UST: variants seen among roughly 807,000 people sequenced by gnomAD.
UST encodes chondroitin sulfate 2-O-sulfotransferase.
A neutral mutation model predicts 45.6 loss-of-function variants in UST; 21 were observed. The observed-to-expected ratio is 0.46, with a 90% CI of 0.33 to 0.66. The LOEUF (loss-of-function observed/expected upper bound fraction) is 0.66. Ranked by LOEUF, UST falls within the 30% of genes least tolerant of loss-of-function variation. The probability of loss-of-function intolerance (pLI) is 0.02; values close to 1 mark genes in which losing one functional copy is unlikely to be tolerated. For synonymous variants in UST, 215 were observed against 200.6 expected (o/e 1.07, Z -0.61); for missense variants, 463 against 512.4 (o/e 0.90, Z 0.93).
intron 2 of UST, among the ~76,000 whole-genome samples, chr6:148,897,785 C>A (rs759555852): frequency 2.0e-5 from 3 of 152,190 alleles, no homozygotes; most frequent in Non-Finnish European, 4.4e-5. Context: ...GCCACTGCAA[C>A]TGGCTTCTTT....
chr6:148,753,618 G>A (rs1328699216), intron 1 of UST, among the ~76,000 whole-genome samples: 2 of 152,136 alleles, frequency 1.3e-5, no homozygotes, highest in Non-Finnish European at 2.9e-5. Flanking sequence ...TCTACTGTAA[G>A]TAGTGCTGCT....
intron 3 of UST, among the ~76,000 whole-genome samples, chr6:148,951,875 A>T (rs1780371878): frequency 6.6e-6 from 1 of 152,254 alleles, no homozygotes; most frequent in Non-Finnish European, 1.5e-5. Flanking sequence ...CTCCTGAAAT[A>T]GACAGCTTTA....
At chr6:148,969,353 G>T (rs1389821880) in intron 5 of UST, among the ~76,000 whole-genome samples, 1 of 152,200 alleles carries the variant, frequency 6.6e-6, no homozygotes, top group Non-Finnish European at 1.5e-5. Flanking sequence ...TTACGCTCTT[G>T]GTCTTCAACT....
At chr6:148,913,635 TG>T (rs1779522615) in intron 2 of UST, among the ~76,000 whole-genome samples, 1 of 152,080 alleles carries the variant, frequency 6.6e-6, no homozygotes, top group African/African-American at 2.4e-5. Context: ...TAACATGAAA[TG>T]CTGATTCCAA....
chr6:149,023,555 A>C (rs1478695217), intron 7 of UST, among the ~76,000 whole-genome samples: 7 of 152,158 alleles, frequency 4.6e-5, no homozygotes, highest in African/African-American at 1.7e-4. Flanking sequence ...TTTTTATTTT[A>C]TTAATATTGT....
intron 2 of UST, among the ~76,000 whole-genome samples, chr6:148,895,719 C>G (rs950207479): frequency 1.2e-4 from 18 of 152,340 alleles, no homozygotes; most frequent in African/African-American, 4.3e-4. Flanking sequence ...ACTCTCTTCT[C>G]TTGTCTGCTG....
chr6:148,887,846 G>A (rs1778940372), intron 2 of UST, among the ~76,000 whole-genome samples: 1 of 152,176 alleles, frequency 6.6e-6, no homozygotes, highest in African/African-American at 2.4e-5. Context: ...TTTCTGGCCT[G>A]TGAAATCTTA....
intron 1 of UST, among the ~76,000 whole-genome samples, chr6:148,818,345 C>T (rs529609992): frequency 6.1e-4 from 93 of 152,258 alleles, no homozygotes; most frequent in Non-Finnish European, 1.1e-3. Flanking sequence ...TGTGTACACA[C>T]GACTTGTTCT....
At chr6:149,004,718 A>AC (rs1173477255) in intron 5 of UST, among the ~76,000 whole-genome samples, 1 of 152,208 alleles carries the variant, frequency 6.6e-6, no homozygotes, top group Admixed American at 6.5e-5. Flanking sequence ...CAGGCAGCAA[A>AC]ACATGGCTTC....
intron 7 of UST, among the ~76,000 whole-genome samples, chr6:149,049,319 C>T (rs2115035497): frequency 6.6e-6 from 1 of 152,146 alleles, no homozygotes; most frequent in South Asian, 2.1e-4. Context: ...AATGACATAG[C>T]TGATTGCTTG....
intron 2 of UST, among the ~76,000 whole-genome samples, chr6:148,894,104 T>C (rs1164628850): frequency 6.6e-6 from 1 of 152,076 alleles, no homozygotes; most frequent in Non-Finnish European, 1.5e-5. Flanking sequence ...GAAATTGAGA[T>C]ATGAACTGCT....
At chr6:149,003,956 T>A (rs1195885760) in intron 5 of UST, among the ~76,000 whole-genome samples, 1 of 152,184 alleles carries the variant, frequency 6.6e-6, no homozygotes, top group African/African-American at 2.4e-5. Context: ...TTGACACGCT[T>A]TGCTGGAAAT....
intron 1 of UST, among the ~76,000 whole-genome samples, chr6:148,882,435 G>A (rs746019255): frequency 7.1e-6 from 1 of 140,326 alleles, no homozygotes; most frequent in Non-Finnish European, 1.5e-5. Flanking sequence ...GCAGTGAGCC[G>A]AGATTGCGCC....
In UST at chr6:148,999,910, G is replaced by A. The variant is rs562903972; in HGVS notation, c.682-19229G>A. Among the ~76,000 whole-genome samples, 23 of 152,276 alleles carry A rather than the reference G, an allele frequency of 1.5e-4. No homozygotes were observed. In the South Asian group the frequency reaches 4.4e-3, roughly 29 times the overall value. ...TGACCCCAAATATATTGTAATGATT[G>A]ATAGAATATAAAAAGAGGAAATCCA... On this transcript the variant is annotated intron_variant, in intron 5 of 7. Coordinates refer to ENST00000367463, the MANE Select transcript of UST (RefSeq NM_005715.3).
At chr6:148,814,430 G>A (rs181118284) in intron 1 of UST, among the ~76,000 whole-genome samples, 1 of 152,246 alleles carries the variant, frequency 6.6e-6, no homozygotes, top group Admixed American at 6.5e-5. Context: ...AGCCAGTAGA[G>A]TTTGCAGCTG....
At chr6:148,898,590 A>C (rs1450993848) in intron 2 of UST, among the ~76,000 whole-genome samples, 1 of 152,218 alleles carries the variant, frequency 6.6e-6, no homozygotes. Context: ...TAAATTTATC[A>C]ATTTTATGAG....
intron 7 of UST, among the ~76,000 whole-genome samples, chr6:149,062,851 A>G (rs371042260): frequency 5.3e-5 from 8 of 152,356 alleles, no homozygotes; most frequent in East Asian, 1.9e-4. Flanking sequence ...TGAGCAAGGT[A>G]GTGAGGGGCG....
At chr6:149,041,844 G>A (rs941655190) in intron 7 of UST, among the ~76,000 whole-genome samples, 4 of 152,072 alleles carry the variant, frequency 2.6e-5, no homozygotes, top group African/African-American at 4.8e-5. Context: ...CCTAAAACTC[G>A]ACTGTCCTGT....
rs1303528631 is a variant in UST at position 149,074,074 on chromosome 6, A to G, written c.1179A>G (p.Glu393=). The change falls in exon 8 of 8, where the codon GAA becomes GAG. Residue 393 remains glutamate, a synonymous_variant. Coordinates refer to ENST00000367463, the MANE Select transcript of UST (RefSeq NM_005715.3). The part of the protein sequence containing the change: ...LETEEPIDDE[E]QDDEKWLEDI... ...CCGAGGAGCCAATCGACGATGAAGA[A>G]CAGGATGATGAAAAGTGGCTGGAAG... is the stretch of plus-strand genomic sequence containing the variant. The G allele has an allele frequency of 1.2e-5, 20 of 1,614,126 alleles. No homozygotes were observed. The highest frequency in any genetic ancestry group is 1.7e-5 in the Non-Finnish European group (20 of 1,180,038).
Sources: allele counts gnomAD v4.1 joint callset (sites outside exome capture counted in the v4.1 genomes callset), GRCh38; gene constraint gnomAD v4.1.1; transcripts MANE v1.5; gene names NCBI Gene and HGNC (gene_info 2026-07-23, HGNC 2026-07-21).